The following SYTL2 variants were observed in gnomAD, a reference collection of about 807,000 sequenced individuals.
The protein encoded by SYTL2 is synaptotagmin like 2.
SYTL2 carries 165 observed loss-of-function variants against 198.7 expected under a neutral mutation model. That is an observed-to-expected ratio of 0.83 (90% CI 0.73 to 0.94). The LOEUF is 0.94. Among genes scored for constraint, SYTL2 ranks in the 40% least tolerant of loss-of-function variants. The pLI, the probability that SYTL2 is intolerant of heterozygous loss-of-function variation, is 0.00. For missense variants in SYTL2, 2,835 were observed against 2,582.8 expected (o/e 1.10, Z -2.12); for synonymous variants, 966 against 917.7 (o/e 1.05, Z -0.95).
chr11:85,755,735 T>G lies in SYTL2; in HGVS notation c.101+1890A>C, dbSNP rs76391827. ...AGAATCATAGAACTACAGACAAGACTCAGCAGCTTGGAATCCCAGGTGCCA... is the reference window on the plus strand; with the variant it reads ...AGAATCATAGAACTACAGACAAGACGCAGCAGCTTGGAATCCCAGGTGCCA... On this transcript the variant is annotated intron_variant, in intron 2 of 19. Coordinates refer to ENST00000359152, the MANE Select transcript of SYTL2 (RefSeq NM_206927.4). Among the ~76,000 whole-genome samples, 1,870 of 152,190 alleles carry G rather than the reference T, an allele frequency of 0.012. 110 individuals carry two copies. In the East Asian group the frequency reaches 0.17, roughly 14 times the overall value.
chr11:85,833,203 A>G, the SYTL2 span, among the ~76,000 whole-genome samples: 1 of 149,912 alleles, frequency 6.7e-6, no homozygotes, highest in South Asian at 2.1e-4. Flanking sequence ...ATAGGCAGCA[A>G]TGTAAACAAT....
upstream of SYTL2, among the ~76,000 whole-genome samples, chr11:85,815,623 G>A (rs576427995): frequency 3.9e-5 from 6 of 152,230 alleles, no homozygotes; most frequent in East Asian, 5.8e-4. Context: ...TGTAGGAAGC[G>A]CAGCTATTAG....
rs745786653 is a variant in SYTL2 at position 85,704,879 on chromosome 11, T to C, written c.6168A>G (p.Arg2056=). 38 of 1,613,546 alleles carry C rather than the reference T, an allele frequency of 2.4e-5. 1 individual carries two copies. The South Asian group carries it at 3.1e-4, about 13-fold the overall frequency. Residue 2056 remains arginine (R), a synonymous_variant, in exon 16 of 20, where the codon AGA becomes AGG. Transcript: ENST00000359152. The part of the protein sequence containing the change: ...DWDNKQNKQL[R]WYPLKRKTAP... ...TCACCTTCCGCTTCAGAGGGTACCA[T>C]CTCAATTGTTTATTCTGTTTGTTAT...
chr11:85,739,796 C>T (rs1332906942), intron 4 of SYTL2, among the ~76,000 whole-genome samples: 1 of 152,206 alleles, frequency 6.6e-6, no homozygotes, highest in African/African-American at 2.4e-5. Context: ...GGGATTTGAA[C>T]CCAGGTGTGT....
chr11:85,706,056 T>C (rs1278614026), intron 15 of SYTL2, among the ~76,000 whole-genome samples: 1 of 152,224 alleles, frequency 6.6e-6, no homozygotes, highest in African/African-American at 2.4e-5. Context: ...GGCAGCATGA[T>C]GTAGTTTTGG....
In SYTL2 at chr11:85,726,225, C is replaced by CT; in HGVS notation, c.3132dup (p.Val1045SerfsTer22). Reference sequence around the variant, plus strand: ...TTCTCCATTTCCTCTCTTGCCATAACTTTTTTTGGGCTTAGAAGCACCTCT... The same window carrying CT: ...TTCTCCATTTCCTCTCTTGCCATAACTTTTTTTTGGGCTTAGAAGCACCTCT... On this transcript the variant is annotated frameshift_variant, in exon 8 of 20. Transcript: ENST00000359152. LOFTEE classifies it high-confidence loss of function. The CT allele has an allele frequency of 6.2e-7, 1 of 1,613,028 alleles. No individual in the cohort carries two copies. Among genetic ancestry groups the CT allele is most frequent in the African/African-American group, 1.3e-5 (1 of 74,924 alleles).
At chr11:85,844,762 A>T in the SYTL2 span, among the ~76,000 whole-genome samples, 1 of 152,134 alleles carries the variant, frequency 6.6e-6, no homozygotes, top group East Asian at 1.9e-4. Context: ...TGGTCAGTGG[A>T]ACTCATTCTG....
chr11:85,744,728 T>C (rs2091031593), intron 4 of SYTL2, among the ~76,000 whole-genome samples: 2 of 152,136 alleles, frequency 1.3e-5, no homozygotes, highest in African/African-American at 2.4e-5. Flanking sequence ...ATTCATCAAC[T>C]TCATCCCAAT....
At chr11:85,769,435 G>GA (rs1456367137) in intron 1 of SYTL2, among the ~76,000 whole-genome samples, 1 of 152,204 alleles carries the variant, frequency 6.6e-6, no homozygotes, top group Admixed American at 6.5e-5. Flanking sequence ...GTAGCAGCTG[G>GA]AAAAGGCAAG....
the SYTL2 span, among the ~76,000 whole-genome samples, chr11:85,834,348 CT>C: frequency 6.6e-6 from 1 of 151,926 alleles, no homozygotes; most frequent in Non-Finnish European, 1.5e-5. Flanking sequence ...TTTCTTATTA[CT>C]TCTAAGTTTT....
At chr11:85,848,355 T>C in the SYTL2 span, among the ~76,000 whole-genome samples, 2 of 152,028 alleles carry the variant, frequency 1.3e-5, no homozygotes, top group African/African-American at 2.4e-5. Context: ...TTTTGAATCA[T>C]GTTTTTTGTG....
At position 85,736,525 on chromosome 11, in the gene SYTL2, C is replaced by A; in HGVS notation, c.562G>T (p.Gly188Cys). 4 of 1,588,192 alleles carry A rather than the reference C, an allele frequency of 2.5e-6. No homozygotes were observed. Among genetic ancestry groups the A allele is most frequent in the Non-Finnish European group, 3.4e-6 (4 of 1,159,756 alleles). The change falls in exon 6 of 20, where the codon GGT (glycine) becomes TGT (cysteine). Residue 188 changes from glycine to cysteine, a missense_variant. Gly to Cys is a radical substitution (Grantham distance 159). This residue lies in a region of SYTL2 where 2,645 missense variants were observed against 2,381.7 expected (regional missense o/e 1.11). Coordinates refer to ENST00000359152, the MANE Select transcript of SYTL2 (RefSeq NM_206927.4). Reference protein sequence around the residue: ...KNEQSKNGRTGLFQTSKEDEL... With the variant: ...KNEQSKNGRTCLFQTSKEDEL... Reference sequence around the variant, plus strand: ...CCCTCTTTTGAAGTCTGAAATAAACCAGTTCTTCCATTTTTTGACTGTTCA... The same window carrying A: ...CCCTCTTTTGAAGTCTGAAATAAACAAGTTCTTCCATTTTTTGACTGTTCA...
chr11:85,740,424 T>C (rs77013324), intron 4 of SYTL2, among the ~76,000 whole-genome samples: 2,273 of 152,294 alleles, frequency 0.015, 30 homozygotes, highest in Non-Finnish European at 0.025. Flanking sequence ...CTTGCCTCAA[T>C]TATTGCAGCA....
upstream of SYTL2, among the ~76,000 whole-genome samples, chr11:85,813,845 T>G (rs1319180650): frequency 6.6e-6 from 1 of 152,012 alleles, no homozygotes; most frequent in African/African-American, 2.4e-5. Context: ...ACCTCAGCCT[T>G]CCAGGTAGCT....
chr11:85,718,126 A>C (rs2087667648), intron 10 of SYTL2: 1 of 169,988 alleles, frequency 5.9e-6, no homozygotes, highest in African/African-American at 2.4e-5. Context: ...TGCAAATACA[A>C]ATTATACATT....
chr11:85,830,079 G>A, the SYTL2 span, among the ~76,000 whole-genome samples: 1 of 152,118 alleles, frequency 6.6e-6, no homozygotes, highest in Non-Finnish European at 1.5e-5. Flanking sequence ...ACGTCTCACA[G>A]TACAGTGTTT....
chr11:85,825,154 C>A, the SYTL2 span, among the ~76,000 whole-genome samples: 1 of 151,992 alleles, frequency 6.6e-6, no homozygotes, highest in East Asian at 1.9e-4. Flanking sequence ...GTTGGGAGGC[C>A]GAGGCGGGCG....
chr11:85,698,485 G>C lies in SYTL2; in HGVS notation c.6269-407C>G, dbSNP rs2083741905. On this transcript the variant is annotated intron_variant, in intron 17 of 19. Coordinates refer to ENST00000359152, the MANE Select transcript of SYTL2 (RefSeq NM_206927.4). ...GTGGAAGACATTTAAAACATATTTG[G>C]GTATAAAGTAACCAAAACAGGTATT... 4.6e-5 allele frequency among the ~76,000 whole-genome samples: 7 copies of C among 151,982 alleles called. No individual in the cohort carries two copies. In the South Asian group the frequency reaches 1.5e-3, roughly 32 times the overall value.
In SYTL2 at chr11:85,734,601, T is replaced by C. The variant is rs1469689413; in HGVS notation, c.728A>G (p.Tyr243Cys). 2.5e-6 allele frequency: 4 copies of C among 1,614,206 alleles called. No homozygotes were observed. Among genetic ancestry groups the C allele is most frequent in the Admixed American group, 1.7e-5 (1 of 60,022 alleles). Residue 243 changes from tyrosine (Y) to cysteine (C), a missense_variant, in exon 7 of 20, where the codon TAC (tyrosine) becomes TGC (cysteine). Coordinates refer to ENST00000359152, the MANE Select transcript of SYTL2 (RefSeq NM_206927.4). ...ATCTTTGTTTAAATCAGTTGATTTG[T>C]AGATCATCTTCCTGGCTTTGGGGAT... ...APIPKARKMI[Y>C]KSTDLNKDDN...
Sources: allele counts gnomAD v4.1 joint callset (sites outside exome capture counted in the v4.1 genomes callset), GRCh38; gene constraint gnomAD v4.1.1; regional missense constraint gnomAD v4.1.1; transcripts MANE v1.5; gene names NCBI Gene and HGNC (gene_info 2026-07-23, HGNC 2026-07-21).